The following DPP6 variants were observed in gnomAD, a reference collection of about 807,000 sequenced individuals.
DPP6 encodes A-type potassium channel modulatory protein DPP6.
A neutral mutation model predicts 122.6 loss-of-function variants in DPP6; 69 were observed. The ratio of observed to expected loss-of-function variants is 0.56; its 90% CI spans 0.46 to 0.69. The LOEUF (loss-of-function observed/expected upper bound fraction) is 0.69, where lower values mean the gene tolerates loss of function less well. DPP6 is among the 30% of genes least tolerant of loss of function. The probability of loss-of-function intolerance (pLI) is 0.00; values close to 1 mark genes in which losing one functional copy is unlikely to be tolerated. For synonymous variants in DPP6, 418 were observed against 433.1 expected (o/e 0.97, Z 0.43); for missense variants, 928 against 1,116.9 (o/e 0.83, Z 2.41).
At chr7:154,192,850 G>A (rs148085707) in intron 1 of DPP6, among the ~76,000 whole-genome samples, 10 of 152,310 alleles carry the variant, frequency 6.6e-5, no homozygotes, top group East Asian at 1.9e-4. Context: ...GAGGGTGGCC[G>A]TCAGTGAGGC....
At position 154,747,911 on chromosome 7, in the gene DPP6, G is replaced by C. The variant is rs73498052; in HGVS notation, c.883+20024G>C. Among the ~76,000 whole-genome samples the C allele has an allele frequency of 3.5e-3, 535 of 152,338 alleles. 2 individuals are homozygous for C. Among genetic ancestry groups the C allele is most frequent in the African/African-American group, 0.012 (496 of 41,566 alleles). On this transcript the variant is annotated intron_variant, in intron 8 of 25. Coordinates refer to ENST00000377770, the MANE Select transcript of DPP6 (RefSeq NM_130797.4). ...TTAGTAGTAATAGTTGCTATATTGA[G>C]TGCTGTGGGTCCAGGCAGATTGGTT...
chr7:154,462,913 A>G (rs991352661), intron 2 of DPP6, among the ~76,000 whole-genome samples: 7 of 149,212 alleles, frequency 4.7e-5, no homozygotes, highest in African/African-American at 1.7e-4. Context: ...CTGCTGGCAT[A>G]TAGAAATACT....
chr7:154,264,663 T>A (rs1194438392), intron 1 of DPP6, among the ~76,000 whole-genome samples: 1 of 152,160 alleles, frequency 6.6e-6, no homozygotes. Context: ...ATAGTGATAA[T>A]GATGGTGATC....
At chr7:153,912,209 A>G (rs572121615) in intron 1 of DPP6, among the ~76,000 whole-genome samples, 31 of 152,330 alleles carry the variant, frequency 2.0e-4, no homozygotes, top group Admixed American at 5.2e-4. Context: ...AGAAGAAAAG[A>G]TTTTGTCTCC....
the DPP6 span, among the ~76,000 whole-genome samples, chr7:153,761,748 C>T: frequency 4.5e-3 from 691 of 152,318 alleles, no homozygotes; most frequent in Non-Finnish European, 7.2e-3. Context: ...CTTCAACCCA[C>T]GTTATCTATT....
chr7:154,570,299 CTCT>C (rs1348300584), intron 5 of DPP6, among the ~76,000 whole-genome samples: 1 of 151,928 alleles, frequency 6.6e-6, no homozygotes. Context: ...CATTGGGTAT[CTCT>C]TCTTCTCATT....
chr7:154,609,783 T>C (rs1194043723), intron 5 of DPP6, among the ~76,000 whole-genome samples: 1 of 152,244 alleles, frequency 6.6e-6, no homozygotes, highest in Non-Finnish European at 1.5e-5. Flanking sequence ...TCCCAAGTTA[T>C]TTCTACTTTA....
At chr7:154,414,006 C>G (rs1816821061) in intron 1 of DPP6, among the ~76,000 whole-genome samples, 1 of 152,134 alleles carries the variant, frequency 6.6e-6, no homozygotes, top group South Asian at 2.1e-4. Flanking sequence ...TGTAAATTGC[C>G]TGTTTTTGAA....
chr7:153,992,922 A>G (rs888685184), intron 1 of DPP6, among the ~76,000 whole-genome samples: 3 of 152,006 alleles, frequency 2.0e-5, no homozygotes, highest in African/African-American at 7.3e-5. Flanking sequence ...TACAGGTCCC[A>G]TACCTTCTTT....
chr7:154,384,803 G>C, intron 1 of DPP6, among the ~76,000 whole-genome samples: 1 of 148,924 alleles, frequency 6.7e-6, no homozygotes, highest in South Asian at 2.1e-4. Context: ...AATAGCAAAA[G>C]TTTGAAATAT....
chr7:154,109,776 T>A (rs1806438091), intron 1 of DPP6, among the ~76,000 whole-genome samples: 1 of 141,406 alleles, frequency 7.1e-6, no homozygotes, highest in African/African-American at 2.6e-5. Flanking sequence ...TGTCCCCCAG[T>A]GGAGGGCACT....
chr7:154,626,152 G>A (rs1223903425), intron 5 of DPP6, among the ~76,000 whole-genome samples: 9 of 152,140 alleles, frequency 5.9e-5, no homozygotes, highest in African/African-American at 2.2e-4. Flanking sequence ...TTCTTCCTTT[G>A]AATTTCCTCC....
At chr7:154,475,174 G>C (rs1822621740) in intron 3 of DPP6, 137 bp downstream of exon 3, 1 of 711,562 alleles carries the variant, frequency 1.4e-6, no homozygotes. Context: ...TTTTGCTGTA[G>C]TCATCATCAG....
intron 5 of DPP6, among the ~76,000 whole-genome samples, chr7:154,593,881 C>G (rs920788751): frequency 6.6e-6 from 1 of 152,228 alleles, no homozygotes; most frequent in Non-Finnish European, 1.5e-5. Context: ...AGATCTTGTA[C>G]TGCAATTATA....
chr7:154,373,708 G>A (rs891730663), intron 1 of DPP6, among the ~76,000 whole-genome samples: 1 of 48,282 alleles, frequency 2.1e-5, no homozygotes, highest in African/African-American at 5.4e-5. Context: ...ACACTGCTGT[G>A]CAGGCATTTT....
chr7:153,915,495 C>A (rs1800267187), intron 1 of DPP6, among the ~76,000 whole-genome samples: 1 of 152,194 alleles, frequency 6.6e-6, no homozygotes, highest in Non-Finnish European at 1.5e-5. Flanking sequence ...GCAAGATCAT[C>A]TTTTTAAGAA....
intron 1 of DPP6, among the ~76,000 whole-genome samples, chr7:154,054,356 C>A (rs1800643281): frequency 6.6e-6 from 1 of 152,064 alleles, no homozygotes. Flanking sequence ...GGGACAATTC[C>A]TAATTGCCAG....
chr7:153,973,639 G>GTC (rs1796142052), intron 1 of DPP6, among the ~76,000 whole-genome samples: 2 of 69,080 alleles, frequency 2.9e-5, no homozygotes, highest in South Asian at 9.9e-4. Flanking sequence ...GCTCGTGTGT[G>GTC]TGTGTGTGTG....
At chr7:154,064,676 T>G (rs1431751938) in intron 1 of DPP6, among the ~76,000 whole-genome samples, 19 of 152,152 alleles carry the variant, frequency 1.2e-4, no homozygotes, top group Non-Finnish European at 4.4e-5. Context: ...GGTGTTAATC[T>G]CAAGCAGATA....
Sources: gnomAD v4.1 joint callset for allele counts (sites outside exome capture counted in the v4.1 genomes callset) on GRCh38, gnomAD v4.1.1 for gene constraint, MANE v1.5 for transcripts, NCBI Gene and HGNC (gene_info 2026-07-23, HGNC 2026-07-21) for gene names.